Variants in TTYH3 observed in about 807,000 individuals in gnomAD.
TTYH3 encodes tweety family member 3.
A neutral mutation model predicts 68.2 loss-of-function variants in TTYH3; 23 were observed. That is an observed-to-expected ratio of 0.34 (90% CI 0.24 to 0.48). The LOEUF is 0.48. TTYH3 is among the 20% of genes least tolerant of loss of function. The pLI is 0.99. For synonymous variants in TTYH3, 360 were observed against 332.8 expected, an observed-to-expected ratio of 1.08 and a Z score of -0.89; for missense variants, 768 against 727.7, an observed-to-expected ratio of 1.06 and a Z score of -0.64.
intron 1 of TTYH3, among the ~76,000 whole-genome samples, chr7:2,644,423 C>T (rs1272560540): frequency 6.6e-6 from 1 of 152,214 alleles, no homozygotes; most frequent in Non-Finnish European, 1.5e-5. Context: ...TGAGGCCCTG[C>T]CAAGTGACTG....
chr7:2,641,810 G>A (rs1034591673), intron 1 of TTYH3, among the ~76,000 whole-genome samples: 3 of 152,144 alleles, frequency 2.0e-5, no homozygotes, highest in African/African-American at 4.8e-5. Flanking sequence ...CACGCTCCCC[G>A]CAGACAGCTG....
chr7:2,643,745 C>A (rs1785913136), intron 1 of TTYH3, among the ~76,000 whole-genome samples: 1 of 152,214 alleles, frequency 6.6e-6, no homozygotes, highest in African/African-American at 2.4e-5. Context: ...GACCTGGAAG[C>A]CCTTTGATGT....
chr7:2,646,518 C>T (rs756812853), intron 1 of TTYH3, among the ~76,000 whole-genome samples: 1 of 152,162 alleles, frequency 6.6e-6, no homozygotes, highest in Non-Finnish European at 1.5e-5. Flanking sequence ...TCTGGGGACC[C>T]GGTGGGGAGG....
At position 2,658,928 on chromosome 7, in the gene TTYH3, C is replaced by A. The variant is rs967679311; in HGVS notation, c.1425-12C>A. On this transcript the variant is annotated splice_polypyrimidine_tract_variant and intron_variant, in intron 12 of 13. Coordinates refer to ENST00000258796, the MANE Select transcript of TTYH3 (RefSeq NM_025250.3). ...AGCAGGCACTCACAGCCTCTCTCCC[C>A]TCATGCCTCAGGAGCCAGAACGCTA... 1.2e-6 allele frequency: 2 copies of A among 1,613,866 alleles called. No individual in the cohort carries two copies. The highest frequency in any genetic ancestry group is 2.2e-5 in the South Asian group (2 of 91,064).
At position 2,661,714 on chromosome 7, in the gene TTYH3, G is replaced by A. The variant is rs772319940; in HGVS notation, c.1547G>A (p.Arg516His). Reference sequence around the variant, plus strand: ...AAATACCTCGCCACGAGCCAGCCTCGCCCTGACTCCAGCGGCAGCCACTAG... The same window carrying A: ...AAATACCTCGCCACGAGCCAGCCTCACCCTGACTCCAGCGGCAGCCACTAG... The part of the protein sequence containing the change: ...RAKYLATSQP[R>H]PDSSGSH The change falls in exon 14 of 14, where the codon CGC becomes CAC. Residue 516 changes from arginine to histidine, a missense_variant. Transcript: ENST00000258796. 5.6e-6 allele frequency: 9 copies of A among 1,611,446 alleles called. No individual in the cohort carries two copies. The highest frequency in any genetic ancestry group is 3.3e-5 in the South Asian group (3 of 91,004).
At chr7:2,650,546 C>G (rs549636878) in intron 7 of TTYH3, among the ~76,000 whole-genome samples, 1 of 152,046 alleles carries the variant, frequency 6.6e-6, no homozygotes, top group East Asian at 1.9e-4. Flanking sequence ...CCACTGCATT[C>G]CAGCCTGGGC....
chr7:2,644,970 A>C (rs928834794), intron 1 of TTYH3, among the ~76,000 whole-genome samples: 1 of 152,230 alleles, frequency 6.6e-6, no homozygotes, highest in Non-Finnish European at 1.5e-5. Flanking sequence ...CATCTGCCCC[A>C]GCAGCTCCCA....
At chr7:2,644,181 A>G (rs1785924713) in intron 1 of TTYH3, among the ~76,000 whole-genome samples, 2 of 152,256 alleles carry the variant, frequency 1.3e-5, no homozygotes, top group South Asian at 4.1e-4. Flanking sequence ...CCCGGGGGGC[A>G]TGGTCAGCTG....
rs7779625 is a variant in TTYH3 at position 2,663,241 on chromosome 7, T to C, written c.*1502T>C. 51,426 of 152,490 alleles carry C rather than the reference T, an allele frequency of 0.34. 13,028 individuals are homozygous for C. Among genetic ancestry groups the C allele is most frequent in the African/African-American group, 0.72 (29,873 of 41,496 alleles). 9.4% of individuals were successfully genotyped at this position (152,490 alleles called of 1,614,324 possible). On this transcript the variant is annotated 3_prime_UTR_variant, in exon 14 of 14. Transcript: ENST00000258796. ...ACGTGCAGGGGTCAAGGCTGGGCCC[T>C]GCAGTGGGGCGGGCCGCCAGCCCCA...
intron 7 of TTYH3, among the ~76,000 whole-genome samples, chr7:2,650,573 C>T (rs1435071528): frequency 1.3e-5 from 2 of 150,986 alleles, no homozygotes; most frequent in Admixed American, 1.3e-4. Flanking sequence ...AGTGAAACTC[C>T]ATCTCAAAAA....
Position 2,650,001 on chromosome 7 carries a change from C to A in TTYH3, c.871+13C>A. 2 of 1,613,738 alleles carry A rather than the reference C, an allele frequency of 1.2e-6. No individual in the cohort carries two copies. The highest frequency in any genetic ancestry group is 1.1e-5 in the South Asian group (1 of 91,072). On this transcript the variant is annotated intron_variant, in intron 7 of 13. Coordinates refer to ENST00000258796, the MANE Select transcript of TTYH3 (RefSeq NM_025250.3). ...GTGCTGAGTGGGGGTGAGTCTGTGT[C>A]CACGGCCGTGTCCCAGCGGGTTCCC...
In TTYH3 at chr7:2,648,004, C is replaced by T. The variant is rs1786048882; in HGVS notation, c.672C>T (p.Cys224=). Residue 224 remains cysteine, a synonymous_variant, in exon 5 of 14, where the codon TGC becomes TGT. Transcript: ENST00000258796. ...LGLLLLDVII[C]LLVLVGLIRS... is the part of the protein sequence containing the mutation. ...TGCTGCTGCTGGACGTCATCATCTG[C>T]CTCCTGGTGCTGGTTGGCCTCATCC... 1 of 1,611,024 alleles carries T rather than the reference C, an allele frequency of 6.2e-7. No individual in the cohort carries two copies. Among genetic ancestry groups the T allele is most frequent in the Non-Finnish European group, 8.5e-7 (1 of 1,179,892 alleles).
rs1187928578 is a variant in TTYH3, at chr7:2,652,228, A to G, written c.913A>G (p.Asn305Asp). 9 of 1,612,694 alleles carry G rather than the reference A, an allele frequency of 5.6e-6. No homozygotes were observed. The highest frequency in any genetic ancestry group is 1.7e-5 in the Admixed American group (1 of 60,020). ...CCTGGCCTGCTCGCCCCGCGCCGCC[A>G]ACCCCTTCCAGCAGGTGAGAGCCTG... ...YYLACSPRAA[N>D]PFQQKLSGSH... The change falls in exon 8 of 14, where the codon AAC becomes GAC. Residue 305 changes from asparagine (N) to aspartate (D), a missense_variant. Asn to Asp is a conservative substitution (Grantham distance 23). Transcript: ENST00000258796.
intron 9 of TTYH3, among the ~76,000 whole-genome samples, 188 bp downstream of exon 9, chr7:2,653,198 GC>G (rs1238149834): frequency 6.6e-6 from 1 of 152,104 alleles, no homozygotes; most frequent in Non-Finnish European, 1.5e-5. Context: ...TCCGCGTTAG[GC>G]CTCATTTTTT....
At chr7:2,639,627 C>T (rs544271161) in intron 1 of TTYH3, among the ~76,000 whole-genome samples, 90 of 152,350 alleles carry the variant, frequency 5.9e-4, no homozygotes, top group African/African-American at 1.7e-3. Flanking sequence ...GGACCACAGC[C>T]GTCAGTGTGG....
rs991204074 is a variant in TTYH3, at chr7:2,662,146, G to T, written c.*407G>T. ...GGACCCCTTCTTAGTTCACAGGCAC[G>T]GCTGGGGCCGCTCTGTGCTGGCGCC... is the stretch of plus-strand genomic sequence containing the variant. On this transcript the variant is annotated 3_prime_UTR_variant, in exon 14 of 14. Coordinates refer to ENST00000258796, the MANE Select transcript of TTYH3 (RefSeq NM_025250.3). 5.4e-6 allele frequency: 2 copies of T among 373,454 alleles called. No homozygotes were observed. Among genetic ancestry groups the T allele is most frequent in the East Asian group, 6.6e-5 (1 of 15,244 alleles). The allele number at this position is 373,454 out of a possible 1,614,324, so 23.1% of individuals were successfully genotyped here. A position where few individuals can be genotyped will look rare whatever the true frequency, so the allele number is the denominator to read the frequency against.
chr7:2,654,614 A>C (rs1010858853), intron 9 of TTYH3, among the ~76,000 whole-genome samples: 3 of 152,178 alleles, frequency 2.0e-5, no homozygotes, highest in African/African-American at 7.2e-5. Context: ...ATAGCACAGC[A>C]GCCCAGATGG....
chr7:2,650,163 C>T (rs1341202982), intron 7 of TTYH3, among the ~76,000 whole-genome samples, 175 bp downstream of exon 7: 1 of 152,236 alleles, frequency 6.6e-6, no homozygotes, highest in Non-Finnish European at 1.5e-5. Context: ...AAGTGGGAGG[C>T]TCTGCAAAGA....
At chr7:2,656,914 G>A (rs1207212172) in intron 11 of TTYH3, among the ~76,000 whole-genome samples, 1 of 152,272 alleles carries the variant, frequency 6.6e-6, no homozygotes, top group Non-Finnish European at 1.5e-5. Flanking sequence ...GGGTGCAGGT[G>A]CACGACGCTG....
Sources: allele counts gnomAD v4.1 joint callset (sites outside exome capture counted in the v4.1 genomes callset), GRCh38; gene constraint gnomAD v4.1.1; transcripts MANE v1.5; gene names NCBI Gene and HGNC (gene_info 2026-07-23, HGNC 2026-07-21).